IGF1R: variants seen among roughly 807,000 people sequenced by gnomAD.
IGF1R encodes insulin-like growth factor 1 receptor.
Under a neutral mutation model 144.6 loss-of-function variants are expected in IGF1R, and 44 were observed. The ratio of observed to expected loss-of-function variants is 0.30; its 90% CI spans 0.24 to 0.39. IGF1R has a LOEUF of 0.39. IGF1R is among the 10% of genes least tolerant of loss of function. IGF1R has a pLI of 1.00. For missense variants in IGF1R, 1,355 were observed against 1,833.7 expected, an observed-to-expected ratio of 0.74 and a Z score of 4.77; for synonymous variants, 795 against 722.8, an observed-to-expected ratio of 1.10 and a Z score of -1.60.
chr15:98,934,773 C>A, intron 15 of IGF1R, 51 bp from the exon 16 acceptor site: 1 of 1,513,148 alleles, frequency 6.6e-7, no homozygotes, highest in South Asian at 1.1e-5. Flanking sequence ...AAAGCACGTT[C>A]TGTCTAAGGG....
chr15:98,947,089 A>T (rs2016582978), intron 19 of IGF1R, among the ~76,000 whole-genome samples: 1 of 152,170 alleles, frequency 6.6e-6, no homozygotes, highest in African/African-American at 2.4e-5. Context: ...CACAAAGCTG[A>T]TGGAGAGCCC....
chr15:98,758,990 G>A (rs900114514), intron 2 of IGF1R, among the ~76,000 whole-genome samples: 1 of 152,220 alleles, frequency 6.6e-6, no homozygotes, highest in Non-Finnish European at 1.5e-5. Context: ...TCAACTATAA[G>A]AAAGTGGGAT....
Position 98,924,512 on chromosome 15 carries a change from T to C in IGF1R, c.2623-13T>C. On this transcript the variant is annotated splice_polypyrimidine_tract_variant and intron_variant, in intron 12 of 20. Transcript: ENST00000650285. ...ATTCATGGGAAATTGACATGTATGT[T>C]TTATTTCCCCAGGATCAGCGAGAAT... The C allele has an allele frequency of 6.2e-7, 1 of 1,614,024 alleles. No homozygotes were observed. The highest frequency in any genetic ancestry group is 8.5e-7 in the Non-Finnish European group (1 of 1,179,892).
At position 98,809,845 on chromosome 15, in the gene IGF1R, C is replaced by T. The variant is rs140051252; in HGVS notation, c.641-81480C>T. On this transcript the variant is annotated intron_variant, in intron 2 of 20. Coordinates refer to ENST00000650285, the MANE Select transcript of IGF1R (RefSeq NM_000875.5). ...CTCTCCATCCTAGTTGCTAAAGTCA[C>T]GTTCCACGTATTGTGTTCTGATGAT... 1.2e-3 allele frequency among the ~76,000 whole-genome samples: 180 copies of T among 152,140 alleles called. 1 individual carries two copies. Among genetic ancestry groups the T allele is most frequent in the African/African-American group, 4.3e-3 (177 of 41,490 alleles).
At chr15:98,911,229 G>C in intron 6 of IGF1R, 86 bp from the exon 7 acceptor site, 2 of 1,520,248 alleles carry the variant, frequency 1.3e-6, no homozygotes, top group East Asian at 4.6e-5. Context: ...CCAGCTTTGG[G>C]GAAGGGGGAA....
Position 98,896,799 on chromosome 15 carries a change from T to C in IGF1R, c.996T>C (p.Cys332=). The part of the protein sequence containing the change: ...IPCEGPCPKV[C]EEEKKTKTID... ...GTGAAGGTCCTTGCCCGAAGGTCTG[T>C]GAGGAAGAAAAGAAAACAAAGACCA... Residue 332 remains cysteine (C), a synonymous_variant, in exon 4 of 21, where the codon TGT becomes TGC. Transcript: ENST00000650285. 6.2e-7 allele frequency: 1 copy of C among 1,614,074 alleles called. No individual in the cohort carries two copies. Among genetic ancestry groups the C allele is most frequent in the South Asian group, 1.1e-5 (1 of 91,082 alleles).
intron 2 of IGF1R, among the ~76,000 whole-genome samples, chr15:98,887,699 G>A (rs781488901): frequency 1.4e-4 from 21 of 152,194 alleles, no homozygotes; most frequent in African/African-American, 2.4e-4. Flanking sequence ...GAATGTGAGC[G>A]TTGTTTCTGT....
chr15:98,758,908 A>G (rs1227963040), intron 2 of IGF1R, among the ~76,000 whole-genome samples: 1 of 152,230 alleles, frequency 6.6e-6, no homozygotes, highest in Non-Finnish European at 1.5e-5. Context: ...AAGGAGGTAG[A>G]AAAAAGATGT....
intron 2 of IGF1R, among the ~76,000 whole-genome samples, chr15:98,848,884 C>T (rs1213584285): frequency 6.6e-6 from 1 of 152,098 alleles, no homozygotes; most frequent in Non-Finnish European, 1.5e-5. Flanking sequence ...AAAGAGAAAA[C>T]ACCTTAAGAT....
chr15:98,749,341 C>G (rs182501988), intron 2 of IGF1R, among the ~76,000 whole-genome samples: 13 of 152,158 alleles, frequency 8.5e-5, no homozygotes, highest in Admixed American at 8.5e-4. Context: ...TTGTATTTCT[C>G]TTTGGTCTTG....
intron 2 of IGF1R, among the ~76,000 whole-genome samples, chr15:98,861,935 T>G (rs2012179479): frequency 6.6e-6 from 1 of 152,258 alleles, no homozygotes; most frequent in South Asian, 2.1e-4. Context: ...GCTTTTCACA[T>G]TCACTTTTGG....
At chr15:98,949,084 C>G (rs2715439) in intron 20 of IGF1R, among the ~76,000 whole-genome samples, 5 of 152,080 alleles carry the variant, frequency 3.3e-5, no homozygotes, top group African/African-American at 9.6e-5. Context: ...ACTCTGAAGT[C>G]GAATTCAAGA....
intron 2 of IGF1R, among the ~76,000 whole-genome samples, chr15:98,711,246 A>C (rs1359201051): frequency 2.6e-5 from 4 of 152,188 alleles, no homozygotes; most frequent in African/African-American, 4.8e-5. Flanking sequence ...CCATTCGAAA[A>C]CATTAAGCAC....
intron 2 of IGF1R, among the ~76,000 whole-genome samples, chr15:98,847,000 A>G (rs1465020598): frequency 6.6e-6 from 1 of 152,060 alleles, no homozygotes; most frequent in Non-Finnish European, 1.5e-5. Context: ...TTTTGGACAC[A>G]AATTCTCACT....
intron 2 of IGF1R, chr15:98,734,812 T>A (rs1372517396): frequency 6.6e-6 from 1 of 152,202 alleles, no homozygotes; most frequent in Non-Finnish European, 1.5e-5. Context: ...CTTCTAAGTG[T>A]GATTTTTGCT....
At chr15:98,730,940 C>G (rs1302525808) in intron 2 of IGF1R, among the ~76,000 whole-genome samples, 3 of 152,184 alleles carry the variant, frequency 2.0e-5, no homozygotes, top group African/African-American at 4.8e-5. Context: ...GAGCTTGACT[C>G]GGAGTGGAAA....
intron 1 of IGF1R, among the ~76,000 whole-genome samples, chr15:98,650,459 G>A (rs901265908): frequency 6.6e-6 from 1 of 152,224 alleles, no homozygotes; most frequent in South Asian, 2.1e-4. Context: ...TCCGGGGAGC[G>A]CCACTGGGTC....
At chr15:98,749,515 T>G (rs2054952865) in intron 2 of IGF1R, among the ~76,000 whole-genome samples, 1 of 152,226 alleles carries the variant, frequency 6.6e-6, no homozygotes, top group Non-Finnish European at 1.5e-5. Flanking sequence ...TATTGTCCAG[T>G]TTGCCTTTAA....
At chr15:98,758,293 C>A (rs1230154465) in intron 2 of IGF1R, among the ~76,000 whole-genome samples, 1 of 151,874 alleles carries the variant, frequency 6.6e-6, no homozygotes, top group Non-Finnish European at 1.5e-5. Context: ...GTCTAGTTCT[C>A]CTTTCTTGGT....
Sources: allele counts gnomAD v4.1 joint callset (sites outside exome capture counted in the v4.1 genomes callset), GRCh38; gene constraint gnomAD v4.1.1; transcripts MANE v1.5; gene names NCBI Gene and HGNC (gene_info 2026-07-23, HGNC 2026-07-21).